IQCK: variants seen among roughly 807,000 people sequenced by gnomAD.
IQCK encodes IQ domain-containing protein K.
A neutral mutation model predicts 28.1 loss-of-function variants in IQCK; 29 were observed. That is an observed-to-expected ratio of 1.03 (90% CI 0.77 to 1.41). The LOEUF (loss-of-function observed/expected upper bound fraction) is 1.41. Ranked by LOEUF, IQCK falls within the 40% of genes most tolerant of loss-of-function variation. IQCK has a pLI of 0.00. For synonymous variants in IQCK, 113 were observed against 115.1 expected, an observed-to-expected ratio of 0.98 and a Z score of 0.12; for missense variants, 359 against 314.7, an observed-to-expected ratio of 1.14 and a Z score of -1.07.
At chr16:19,811,160 C>T (rs543946262) in intron 7 of IQCK, among the ~76,000 whole-genome samples, 7 of 152,016 alleles carry the variant, frequency 4.6e-5, no homozygotes, top group East Asian at 2.0e-4. Context: ...GGTGCATGCC[C>T]GTGGTCCCAG....
intron 7 of IQCK, among the ~76,000 whole-genome samples, chr16:19,805,139 G>A (rs991299322): frequency 3.3e-5 from 5 of 152,144 alleles, no homozygotes; most frequent in African/African-American, 9.7e-5. Context: ...GTGAGCCAGT[G>A]TCATTTAAAG....
chr16:19,805,958 T>C (rs1393346816), intron 7 of IQCK, among the ~76,000 whole-genome samples: 1 of 152,004 alleles, frequency 6.6e-6, no homozygotes, highest in East Asian at 1.9e-4. Flanking sequence ...AGTCTACTTC[T>C]GGGTGGGGAG....
rs1024667288 is a variant in IQCK at position 19,737,221 on chromosome 16, T to G, written c.474+1771T>G. On this transcript the variant is annotated intron_variant, in intron 4 of 7. Transcript: ENST00000564186. ...AATTACAGTGTAAACCCCAATGAGG[T>G]TGACACATCCTAGGGTCTATAAAAT... Among the ~76,000 whole-genome samples, 4 of 152,168 alleles carry G rather than the reference T, an allele frequency of 2.6e-5. No individual in the cohort carries two copies. In the South Asian group the frequency reaches 8.3e-4, roughly 32 times the overall value.
Position 19,825,328 on chromosome 16 carries a change from C to T in IQCK, c.691-1698C>T, listed in dbSNP as rs1360354265. Among the ~76,000 whole-genome samples the T allele has an allele frequency of 6.6e-6, 1 of 152,058 alleles. No homozygotes were observed. Among genetic ancestry groups the T allele is most frequent in the Non-Finnish European group, 1.5e-5 (1 of 68,020 alleles). ...TTGAGGTCAGGAGTTCGAGACCAGC[C>T]TGACCAACATGGTAAAACCCTGTCT... On this transcript the variant is annotated intron_variant, in intron 7 of 7. Transcript: ENST00000564186. The surrounding 1 kb of genome is among the most constrained non-coding windows in gnomAD (Gnocchi z 4.2).
exon 10 of IQCK, chr16:19,857,698 A>G (rs1157743582): frequency 1.1e-5 from 2 of 181,380 alleles, no homozygotes; most frequent in East Asian, 3.6e-4. Context: ...AACCGAGACC[A>G]CCACCCGAGT....
intron 6 of IQCK, among the ~76,000 whole-genome samples, chr16:19,774,206 G>A (rs1222063982): frequency 6.6e-6 from 1 of 152,070 alleles, no homozygotes; most frequent in Non-Finnish European, 1.5e-5. Context: ...ACCACTTCCA[G>A]CTGTGTGACT....
chr16:19,730,345 A>G, intron 1 of IQCK, 85 bp from the exon 2 acceptor site: 2 of 1,022,126 alleles, frequency 2.0e-6, no homozygotes, highest in Non-Finnish European at 2.8e-6. Context: ...ATAAAATTTA[A>G]GAATGTTTTA....
intron 6 of IQCK, among the ~76,000 whole-genome samples, chr16:19,784,162 A>G (rs2055531195): frequency 6.6e-6 from 1 of 152,180 alleles, no homozygotes; most frequent in African/African-American, 2.4e-5. Context: ...TTATTACTGT[A>G]AAGTTCAACA....
chr16:19,799,692 G>A (rs557225771), intron 7 of IQCK, among the ~76,000 whole-genome samples: 7 of 113,592 alleles, frequency 6.2e-5, no homozygotes, highest in Non-Finnish European at 9.9e-5. Flanking sequence ...AGACATTCTT[G>A]TTTCCTCTCC....
rs961063249 is a variant in IQCK at position 19,816,324 on chromosome 16, C to G, written c.691-10702C>G. Among the ~76,000 whole-genome samples, 26 of 152,190 alleles carry G rather than the reference C, an allele frequency of 1.7e-4. 1 individual carries two copies. The highest frequency in any genetic ancestry group is 6.3e-4 in the African/African-American group (26 of 41,458). On this transcript the variant is annotated intron_variant, in intron 7 of 7. Coordinates refer to ENST00000564186, the Ensembl canonical transcript of IQCK. ...TGAGACGGAGTCTTACTCTGTCACCCAGGCTGGAGTGCAGTGGCGTGATCT... is the reference window on the plus strand; with the variant it reads ...TGAGACGGAGTCTTACTCTGTCACCGAGGCTGGAGTGCAGTGGCGTGATCT...
In IQCK at chr16:19,718,469, TG is replaced by T; in HGVS notation, c.166del (p.Glu56SerfsTer25). 6.2e-7 allele frequency: 1 copy of T among 1,606,680 alleles called. No individual in the cohort carries two copies. The highest frequency in any genetic ancestry group is 8.5e-7 in the Non-Finnish European group (1 of 1,177,662). On this transcript the variant is annotated frameshift_variant, in exon 1 of 8. Transcript: ENST00000564186. LOFTEE classifies it high-confidence loss of function. ...CACCGAGCCGTCAAGCAAGAATCTG[TG>T]GGAGCAGATCTGCAAGGGTAGGAAA...
intron 7 of IQCK, among the ~76,000 whole-genome samples, chr16:19,805,026 G>T (rs2052291419): frequency 6.6e-6 from 1 of 152,022 alleles, no homozygotes. Flanking sequence ...GGCGTCTCCT[G>T]CTGCAGCTGT....
intron 7 of IQCK, among the ~76,000 whole-genome samples, chr16:19,804,205 T>A (rs1269677444): frequency 1.3e-5 from 2 of 151,192 alleles, no homozygotes; most frequent in Non-Finnish European, 2.9e-5. Flanking sequence ...AAAAAAAAAA[T>A]TAGCTGGGCA....
chr16:19,829,431 G>A (rs1223793427), downstream of IQCK, among the ~76,000 whole-genome samples: 1 of 152,028 alleles, frequency 6.6e-6, no homozygotes, highest in Non-Finnish European at 1.5e-5. Flanking sequence ...CCACCTCTGG[G>A]GTTCAAGCGA....
exon 10 of IQCK, chr16:19,856,604 A>T: frequency 7.4e-7 from 1 of 1,354,002 alleles, no homozygotes; most frequent in Non-Finnish European, 1.1e-6. Context: ...GTGCAAGGAA[A>T]ATGTCCAAAT....
chr16:19,851,915 G>A lies in IQCK; in HGVS notation c.803-4572G>A, dbSNP rs188525099. The stretch of plus-strand genomic sequence containing the variant: ...CAAGTACCTACCTGTGCAAGGCTGT[G>A]TTCTGCTAAGACCAGGAGGAGGAAG... On this transcript the variant is annotated intron_variant, in intron 9 of 9. Transcript: ENST00000320394. 5.9e-5 allele frequency among the ~76,000 whole-genome samples: 9 copies of A among 152,314 alleles called. No homozygotes were observed. The East Asian group carries it at 1.7e-3, about 29-fold the overall frequency.
intron 4 of IQCK, among the ~76,000 whole-genome samples, chr16:19,751,862 C>A (rs966380286): frequency 6.6e-6 from 1 of 152,066 alleles, no homozygotes; most frequent in Non-Finnish European, 1.5e-5. Context: ...ATCTGCATTG[C>A]CATTGACCTT....
exon 10 of IQCK, chr16:19,856,753 G>T: frequency 1.8e-6 from 1 of 549,376 alleles, no homozygotes; most frequent in East Asian, 3.0e-5. Context: ...TTCACTTTCT[G>T]CATTATCCCC....
chr16:19,793,596 A>C (rs1335629709), intron 7 of IQCK, among the ~76,000 whole-genome samples: 1 of 101,546 alleles, frequency 9.8e-6, no homozygotes, highest in Non-Finnish European at 1.8e-5. Context: ...AGTACTCCCC[A>C]CATTGATCTA....
Sources: allele counts gnomAD v4.1 joint callset (sites outside exome capture counted in the v4.1 genomes callset), GRCh38; gene constraint gnomAD v4.1.1; non-coding constraint Gnocchi (gnomAD v3.1); transcripts MANE v1.5; gene names NCBI Gene and HGNC (gene_info 2026-07-23, HGNC 2026-07-21).